RAB40C: variants seen among roughly 807,000 people sequenced by gnomAD.
RAB40C encodes ras-related protein Rab-40C.
In RAB40C, 8 loss-of-function variants were observed where a neutral mutation model predicts 28.1. That is an observed-to-expected ratio of 0.28 (90% CI 0.17 to 0.51). RAB40C has a LOEUF of 0.51. RAB40C is among the 20% of genes least tolerant of loss of function. The pLI, the probability that RAB40C is intolerant of heterozygous loss-of-function variation, is 0.97. For synonymous variants in RAB40C, 201 were observed against 171.7 expected, an observed-to-expected ratio of 1.17 and a Z score of -1.34; for missense variants, 288 against 405.9, an observed-to-expected ratio of 0.71 and a Z score of 2.50.
At chr16:604,660 T>C (rs1488730320) in intron 1 of RAB40C, among the ~76,000 whole-genome samples, 1 of 152,226 alleles carries the variant, frequency 6.6e-6, no homozygotes, top group African/African-American at 2.4e-5. Context: ...TTCCCTTAGG[T>C]AGATCTAAGA....
At chr16:626,713 G>A (rs1596419504) in intron 5 of RAB40C, among the ~76,000 whole-genome samples, 2 of 152,172 alleles carry the variant, frequency 1.3e-5, no homozygotes, top group South Asian at 4.1e-4. Flanking sequence ...CACAGCAGGT[G>A]GATCACCTGA....
Position 614,317 on chromosome 16 carries a change from C to T in RAB40C, c.143-2891C>T, listed in dbSNP as rs112803692. 9.7e-3 allele frequency among the ~76,000 whole-genome samples: 1,053 copies of T among 108,682 alleles called. 6 individuals carry two copies. The highest frequency in any genetic ancestry group is 0.014 in the Non-Finnish European group (655 of 47,322). The allele number at this position is 108,682 out of a possible 152,430, so 71.3% of individuals were successfully genotyped here. A position where few individuals can be genotyped will look rare whatever the true frequency, so the allele number is the denominator to read the frequency against. ...GTGAACTGCTAACTCTGCCACATCC[C>T]GATGGTGAACTGCTAACTCTGCCGC... On this transcript the variant is annotated intron_variant, in intron 1 of 5. Transcript: ENST00000248139.
chr16:590,641 G>C (rs1164439508), intron 1 of RAB40C, among the ~76,000 whole-genome samples: 1 of 152,250 alleles, frequency 6.6e-6, no homozygotes, highest in Non-Finnish European at 1.5e-5. Context: ...GGACGGACCA[G>C]AGGGACGCGC....
At chr16:625,240 C>T (rs2036803743) in intron 3 of RAB40C, 192 bp from the exon 4 acceptor site, 2 of 1,446,018 alleles carry the variant, frequency 1.4e-6, no homozygotes, top group Non-Finnish European at 9.1e-7. Context: ...GCAGTCCTGC[C>T]AGGTGAGGGC....
intron 3 of RAB40C, among the ~76,000 whole-genome samples, chr16:622,186 C>G (rs897409506): frequency 6.6e-6 from 1 of 152,202 alleles, no homozygotes; most frequent in African/African-American, 2.4e-5. Flanking sequence ...TTAGGCCCAG[C>G]AGTTCTACTT....
rs60094426 is a variant in RAB40C, at chr16:601,815, TAAAAAAAA to T, written c.142+11405_142+11412del. 2.4e-3 allele frequency among the ~76,000 whole-genome samples: 65 copies of T among 27,208 alleles called. 3 individuals carry two copies. In the South Asian group the frequency reaches 0.042, roughly 18 times the overall value. The allele number at this position is 27,208 out of a possible 152,430, so 17.8% of individuals were successfully genotyped here. ...AAGGCCCTATCCCTGCAAAAAAAAGTAAAAAAAAAAAAAAAAAAAAAAAAAAAAAAGGC... is the reference window on the plus strand; with the variant it reads ...AAGGCCCTATCCCTGCAAAAAAAAGTAAAAAAAAAAAAAAAAAAAAAAGGC... On this transcript the variant is annotated intron_variant, in intron 1 of 5. Coordinates refer to ENST00000248139, the MANE Select transcript of RAB40C (RefSeq NM_021168.5).
At chr16:605,859 C>T (rs572169985) in intron 1 of RAB40C, among the ~76,000 whole-genome samples, 1 of 152,286 alleles carries the variant, frequency 6.6e-6, no homozygotes, top group African/African-American at 2.4e-5. Flanking sequence ...ACCCGTTCTC[C>T]AAAGCAGTCA....
At chr16:592,099 A>C (rs2036012558) in intron 1 of RAB40C, among the ~76,000 whole-genome samples, 1 of 152,210 alleles carries the variant, frequency 6.6e-6, no homozygotes, top group Non-Finnish European at 1.5e-5. Context: ...GTCAGCATCC[A>C]GCCTCCCCAG....
chr16:604,822 G>C lies in RAB40C; in HGVS notation c.143-12386G>C, dbSNP rs2036326825. Among the ~76,000 whole-genome samples, 4 of 152,218 alleles carry C rather than the reference G, an allele frequency of 2.6e-5. No individual in the cohort carries two copies. The South Asian group carries it at 8.3e-4, about 31-fold the overall frequency. On this transcript the variant is annotated intron_variant, in intron 1 of 5. Transcript: ENST00000248139. ...TGCCTGTAGTCTCAGCACTTTGGGA[G>C]GCCGAGGCAGGCAGATCACTTGAGG...
intron 1 of RAB40C, among the ~76,000 whole-genome samples, chr16:611,132 G>C (rs2036474142): frequency 1.3e-5 from 2 of 152,210 alleles, no homozygotes; most frequent in Admixed American, 1.3e-4. Context: ...GAGCATCCCA[G>C]AGCAGCCTCT....
chr16:625,648 C>G, intron 4 of RAB40C, 139 bp downstream of exon 4: 5 of 969,612 alleles, frequency 5.2e-6, no homozygotes, highest in Non-Finnish European at 4.7e-6. Flanking sequence ...ACGGCCTACG[C>G]CTGGGCATGC....
intron 1 of RAB40C, among the ~76,000 whole-genome samples, chr16:592,386 G>T (rs996029260): frequency 6.6e-6 from 1 of 152,188 alleles, no homozygotes; most frequent in African/African-American, 2.4e-5. Context: ...CAGCAGCACC[G>T]GGGGCTCTGG....
At chr16:611,166 AG>A (rs1308167190) in intron 1 of RAB40C, among the ~76,000 whole-genome samples, 1 of 152,144 alleles carries the variant, frequency 6.6e-6, no homozygotes, top group African/African-American at 2.4e-5. Context: ...GGTGCTCTAG[AG>A]GCCCCGGCTC....
intron 1 of RAB40C, among the ~76,000 whole-genome samples, chr16:607,936 A>G (rs1301837357): frequency 6.6e-6 from 1 of 152,056 alleles, no homozygotes; most frequent in Non-Finnish European, 1.5e-5. Flanking sequence ...CCGTTTTCAG[A>G]TTGATGCTGT....
intron 3 of RAB40C, among the ~76,000 whole-genome samples, chr16:623,467 G>A (rs1439665557): frequency 2.6e-5 from 4 of 151,760 alleles, no homozygotes; most frequent in Non-Finnish European, 4.4e-5. Context: ...GGCTAACACG[G>A]TGAAACCCTG....
intron 1 of RAB40C, among the ~76,000 whole-genome samples, chr16:593,049 C>T (rs2036035659): frequency 6.6e-6 from 1 of 152,262 alleles, no homozygotes; most frequent in Admixed American, 6.5e-5. Flanking sequence ...GCCCGGGGCA[C>T]ACTTCCAGGT....
At chr16:625,571 C>A in intron 4 of RAB40C, 62 bp downstream of exon 4, 2 of 1,532,946 alleles carry the variant, frequency 1.3e-6, no homozygotes, top group South Asian at 2.3e-5. Flanking sequence ...ACCTGGGCCC[C>A]GGGTAGGCTC....
chr16:625,365 G>T (rs1337786475), intron 3 of RAB40C, 67 bp from the exon 4 acceptor site: 10 of 1,575,434 alleles, frequency 6.3e-6, no homozygotes, highest in Non-Finnish European at 8.7e-6. Flanking sequence ...CTGCACCTGA[G>T]CGTCCCTGGG....
At chr16:617,044 C>T in intron 1 of RAB40C, 164 bp from the exon 2 acceptor site, 2 of 726,244 alleles carry the variant, frequency 2.8e-6, no homozygotes, top group East Asian at 5.4e-5. Flanking sequence ...GGTTGCTGGG[C>T]CAGAGCCCCG....
Sources: allele counts gnomAD v4.1 joint callset (sites outside exome capture counted in the v4.1 genomes callset), GRCh38; gene constraint gnomAD v4.1.1; transcripts MANE v1.5; gene names NCBI Gene and HGNC (gene_info 2026-07-23, HGNC 2026-07-21).